Variants in KALRN observed in about 807,000 individuals in gnomAD.
KALRN encodes the protein kalirin RhoGEF kinase.
KALRN carries 70 observed loss-of-function variants against 353.7 expected under a neutral mutation model. That is an observed-to-expected ratio of 0.20 (90% CI 0.16 to 0.24). KALRN has a LOEUF of 0.24. KALRN is among the 10% of genes least tolerant of loss of function. The pLI is 1.00. For synonymous variants in KALRN, 1,391 were observed against 1,434.8 expected (o/e 0.97, Z 0.69); for missense variants, 2,791 against 3,756.7 (o/e 0.74, Z 6.72).
At chr3:124,417,232 C>G (rs2092554503) in intron 14 of KALRN, among the ~76,000 whole-genome samples, 4 of 152,242 alleles carry the variant, frequency 2.6e-5, no homozygotes, top group African/African-American at 9.6e-5. Flanking sequence ...CACCAACTAG[C>G]AGTCTGATTT....
intron 1 of KALRN, among the ~76,000 whole-genome samples, chr3:124,194,888 G>T (rs1336510481): frequency 6.6e-6 from 1 of 152,146 alleles, no homozygotes; most frequent in Non-Finnish European, 1.5e-5. Context: ...GAGAAATGAA[G>T]TATGTTTGCT....
At chr3:124,043,119 G>T (rs2040120088) in intron 1 of KALRN, among the ~76,000 whole-genome samples, 2 of 152,262 alleles carry the variant, frequency 1.3e-5, no homozygotes, top group South Asian at 4.1e-4. Flanking sequence ...AAATACCATT[G>T]GTTCTGGAGA....
intron 3 of KALRN, among the ~76,000 whole-genome samples, chr3:124,240,640 A>G (rs1177714695): frequency 2.0e-5 from 3 of 152,112 alleles, no homozygotes; most frequent in Admixed American, 6.5e-5. Context: ...CATTGACTGA[A>G]TGTACCGAGA....
chr3:124,461,812 TG>T, intron 23 of KALRN, 77 bp from the exon 24 acceptor site: 1 of 983,874 alleles, frequency 1.0e-6, no homozygotes, highest in Non-Finnish European at 1.6e-6. Flanking sequence ...TCATACATGC[TG>T]GGGTGGGGAA....
chr3:124,461,951 T>G lies in KALRN; in HGVS notation c.3916T>G (p.Leu1306Val), dbSNP rs2059904376. 1.9e-6 allele frequency: 3 copies of G among 1,610,208 alleles called. No individual in the cohort carries two copies. Residue 1306 changes from leucine (L) to valine (V), a missense_variant, in exon 24 of 60, where the codon TTA (leucine) becomes GTA (valine). Coordinates refer to ENST00000682506, the MANE Select transcript of KALRN (RefSeq NM_001388419.1). Reference protein sequence around the residue: ...KAYVRDLHECLETYLWEMTSG... With the variant: ...KAYVRDLHECVETYLWEMTSG... ...TTATGTAAGGGATTTGCATGAGTGC[T>G]TAGAGGTGAGTCTTCCAGTAATCCG...
chr3:124,570,172 A>T (rs1232111731), intron 34 of KALRN, among the ~76,000 whole-genome samples: 1 of 152,200 alleles, frequency 6.6e-6, no homozygotes, highest in Non-Finnish European at 1.5e-5. Flanking sequence ...CAGGTTTTTC[A>T]TTTATGCCAT....
intron 3 of KALRN, among the ~76,000 whole-genome samples, chr3:124,239,986 C>A (rs1435330665): frequency 6.6e-6 from 1 of 152,156 alleles, no homozygotes; most frequent in Non-Finnish European, 1.5e-5. Flanking sequence ...CTAAAACATA[C>A]CTTTTAAAGA....
chr3:124,231,043 CTGTT>C (rs1443942698), intron 2 of KALRN, among the ~76,000 whole-genome samples: 1 of 152,208 alleles, frequency 6.6e-6, no homozygotes, highest in East Asian at 1.9e-4. Context: ...GAGAAACAGG[CTGTT>C]TGTTAATTGA....
intron 34 of KALRN, among the ~76,000 whole-genome samples, chr3:124,577,287 G>A (rs1443196202): frequency 6.6e-6 from 1 of 152,112 alleles, no homozygotes; most frequent in Non-Finnish European, 1.5e-5. Flanking sequence ...CTAGAAAGAG[G>A]CAAACAGGTG....
intron 45 of KALRN, among the ~76,000 whole-genome samples, chr3:124,662,564 G>A (rs1280813961): frequency 6.6e-6 from 1 of 152,116 alleles, no homozygotes; most frequent in Non-Finnish European, 1.5e-5. Context: ...TGGAACACCT[G>A]TTTTTTGAGA....
chr3:124,107,737 G>C (rs147692949), intron 1 of KALRN, among the ~76,000 whole-genome samples: 126 of 152,340 alleles, frequency 8.3e-4, no homozygotes, highest in African/African-American at 3.0e-3. Context: ...GCAGCCAAGA[G>C]AGCTTGCCAA....
intron 36 of KALRN, among the ~76,000 whole-genome samples, chr3:124,635,897 G>C (rs1351059919): frequency 6.6e-6 from 1 of 152,004 alleles, no homozygotes; most frequent in African/African-American, 2.4e-5. Flanking sequence ...TCCTAACAGG[G>C]TGTTTCCATT....
intron 13 of KALRN, among the ~76,000 whole-genome samples, chr3:124,412,370 T>C (rs1443658030): frequency 1.3e-5 from 2 of 152,240 alleles, no homozygotes; most frequent in Non-Finnish European, 1.5e-5. Flanking sequence ...CCTGGAAATG[T>C]GTGACCTGGA....
At chr3:124,575,103 C>T (rs1013500117) in intron 34 of KALRN, among the ~76,000 whole-genome samples, 7 of 152,258 alleles carry the variant, frequency 4.6e-5, no homozygotes, top group East Asian at 1.9e-4. Flanking sequence ...TACCAGCCCT[C>T]TGCCCTATGG....
At chr3:124,431,170 A>G (rs2093257334) in intron 16 of KALRN, among the ~76,000 whole-genome samples, 1 of 152,230 alleles carries the variant, frequency 6.6e-6, no homozygotes, top group Admixed American at 6.5e-5. Context: ...TGCAAAGGTC[A>G]TTATAAATTA....
chr3:124,444,849 A>G (rs1374664628), intron 19 of KALRN, among the ~76,000 whole-genome samples: 1 of 152,020 alleles, frequency 6.6e-6, no homozygotes, highest in Non-Finnish European at 1.5e-5. Context: ...GAGAGAAAGA[A>G]AAAAAAGCAC....
intron 26 of KALRN, among the ~76,000 whole-genome samples, chr3:124,476,185 A>C: frequency 6.6e-6 from 1 of 151,966 alleles, no homozygotes; most frequent in Admixed American, 6.6e-5. Flanking sequence ...AGTGTAATGC[A>C]GAAATGAAGG....
At chr3:124,693,884 T>C in intron 52 of KALRN, 53 bp downstream of exon 52, 1 of 1,321,946 alleles carries the variant, frequency 7.6e-7, no homozygotes, top group Non-Finnish European at 1.1e-6. Context: ...AAATAAATTA[T>C]AGTTAATCCA....
At chr3:124,612,726 A>G (rs573697460) in intron 34 of KALRN, among the ~76,000 whole-genome samples, 2 of 152,260 alleles carry the variant, frequency 1.3e-5, no homozygotes, top group East Asian at 3.9e-4. Flanking sequence ...CTCTACCCTA[A>G]CTAGAATGAC....
Sources: allele counts gnomAD v4.1 joint callset (sites outside exome capture counted in the v4.1 genomes callset), GRCh38; gene constraint gnomAD v4.1.1; transcripts MANE v1.5; gene names NCBI Gene and HGNC (gene_info 2026-07-23, HGNC 2026-07-21).